Variants in CES5A observed in about 807,000 individuals in gnomAD.
The protein encoded by CES5A is carboxylesterase 5A.
A neutral mutation model predicts 62.9 loss-of-function variants in CES5A; 67 were observed. The ratio of observed to expected loss-of-function variants is 1.07; its 90% CI spans 0.88 to 1.31. The LOEUF (loss-of-function observed/expected upper bound fraction) is 1.31. Ranked by LOEUF, CES5A falls within the 50% of genes most tolerant of loss-of-function variation. CES5A has a pLI of 0.00. For missense variants in CES5A, 748 were observed against 708.5 expected (o/e 1.06, Z -0.63); for synonymous variants, 296 against 280.8 (o/e 1.05, Z -0.54).
Position 55,866,015 on chromosome 16 carries a change from C to T in CES5A, c.653G>A (p.Ser218Asn). 6.2e-7 allele frequency: 1 copy of T among 1,614,218 alleles called. No homozygotes were observed. Among genetic ancestry groups the T allele is most frequent in the Admixed American group, 1.7e-5 (1 of 60,026 alleles). Residue 218 changes from serine (S) to asparagine (N), a missense_variant, in exon 5 of 13, where the codon AGC becomes AAC. Physicochemically the swap from Ser to Asn is conservative, Grantham distance 46. Coordinates refer to ENST00000290567, the MANE Select transcript of CES5A (RefSeq NM_001143685.2). ...GGACTCGCCAAAGATGGTCACAGAGCTGGGGTCCCCACCGAAGAACTCGAT... is the reference window on the plus strand; with the variant it reads ...GGACTCGCCAAAGATGGTCACAGAGTTGGGGTCCCCACCGAAGAACTCGAT... ...KNIEFFGGDP[S>N]SVTIFGESAG...
chr16:55,895,672 A>C (rs1171514006), intron 1 of CES5A, among the ~76,000 whole-genome samples: 1 of 152,210 alleles, frequency 6.6e-6, no homozygotes, highest in Non-Finnish European at 1.5e-5. Flanking sequence ...GGATTTAAAA[A>C]TTTGCGCTAG....
intron 9 of CES5A, 103 bp downstream of exon 9, chr16:55,856,274 G>A: frequency 2.1e-6 from 2 of 950,956 alleles, no homozygotes; most frequent in Non-Finnish European, 3.4e-6. Flanking sequence ...GACTGAGTGA[G>A]TGAGGAGTGT....
chr16:55,886,536 A>G (rs1250736727), intron 1 of CES5A, among the ~76,000 whole-genome samples: 1 of 152,216 alleles, frequency 6.6e-6, no homozygotes, highest in East Asian at 1.9e-4. Context: ...CAGAATAGCT[A>G]TGGTGGCTAA....
At chr16:55,872,078 C>A (rs146312501) in intron 2 of CES5A, among the ~76,000 whole-genome samples, 1 of 152,134 alleles carries the variant, frequency 6.6e-6, no homozygotes. Flanking sequence ...ACACACATAA[C>A]GACCCAAGCT....
At position 55,875,325 on chromosome 16, in the gene CES5A, A is replaced by C. The variant is rs1360213841; in HGVS notation, c.-104T>G. On this transcript the variant is annotated 5_prime_UTR_variant, in exon 1 of 13. Transcript: ENST00000290567. Reference sequence around the variant, plus strand: ...CTTCCTGTTAACAGGCAAATGCTGAATAGGCAGGCAGAGGCAGCAGAGTTA... The same window carrying C: ...CTTCCTGTTAACAGGCAAATGCTGACTAGGCAGGCAGAGGCAGCAGAGTTA... 13 of 1,533,712 alleles carry C rather than the reference A, an allele frequency of 8.5e-6. No individual in the cohort carries two copies. The highest frequency in any genetic ancestry group is 1.1e-5 in the Non-Finnish European group (13 of 1,144,696).
intron 2 of CES5A, among the ~76,000 whole-genome samples, chr16:55,940,076 G>GA (rs1445257149): frequency 6.6e-6 from 1 of 151,374 alleles, no homozygotes; most frequent in Non-Finnish European, 1.5e-5. Context: ...AAACAAAACT[G>GA]AAAAAAAGAA....
chr16:55,910,163 C>G (rs568821390), intron 1 of CES5A, among the ~76,000 whole-genome samples: 2 of 152,276 alleles, frequency 1.3e-5, no homozygotes, highest in South Asian at 4.1e-4. Context: ...GTGGCCACAC[C>G]CCCTCCTCCA....
At chr16:55,896,283 C>G (rs2033933175) in intron 1 of CES5A, among the ~76,000 whole-genome samples, 1 of 152,188 alleles carries the variant, frequency 6.6e-6, no homozygotes, top group Non-Finnish European at 1.5e-5. Flanking sequence ...TCAGTTACTT[C>G]CCACTGGGTC....
chr16:55,915,951 A>T (rs147112574), intron 1 of CES5A, among the ~76,000 whole-genome samples: 1 of 152,346 alleles, frequency 6.6e-6, no homozygotes, highest in African/African-American at 2.4e-5. Flanking sequence ...CACCACACAG[A>T]CAAAACCAGA....
chr16:55,955,326 TC>T (rs1368698476), intron 1 of CES5A, among the ~76,000 whole-genome samples: 3 of 152,106 alleles, frequency 2.0e-5, no homozygotes, highest in Admixed American at 6.5e-5. Flanking sequence ...CTGAAACTAA[TC>T]CCCCCCATCT....
intron 1 of CES5A, among the ~76,000 whole-genome samples, chr16:55,912,434 A>C (rs1305935563): frequency 2.0e-5 from 3 of 152,116 alleles, no homozygotes; most frequent in Non-Finnish European, 4.4e-5. Context: ...CGAGGAAAAA[A>C]ACAAAGGCCA....
chr16:55,950,707 GA>G (rs200320769), intron 1 of CES5A, among the ~76,000 whole-genome samples: 13 of 142,920 alleles, frequency 9.1e-5, no homozygotes, highest in African/African-American at 1.3e-4. Context: ...TTGAGGCAAA[GA>G]AAAAAAAACC....
In CES5A at chr16:55,875,311, C is replaced by A; in HGVS notation, c.-90G>T. 6.4e-7 allele frequency: 1 copy of A among 1,559,560 alleles called. No individual in the cohort carries two copies. The highest frequency in any genetic ancestry group is 1.2e-5 in the South Asian group (1 of 82,662). Reference sequence around the variant, plus strand: ...GGAGCCAGAAAGAGCTTCCTGTTAACAGGCAAATGCTGAATAGGCAGGCAG... The same window carrying A: ...GGAGCCAGAAAGAGCTTCCTGTTAAAAGGCAAATGCTGAATAGGCAGGCAG... On this transcript the variant is annotated 5_prime_UTR_variant, in exon 1 of 13. Coordinates refer to ENST00000290567, the MANE Select transcript of CES5A (RefSeq NM_001143685.2).
chr16:55,883,307 G>A (rs548517719), intron 1 of CES5A, among the ~76,000 whole-genome samples: 2 of 151,976 alleles, frequency 1.3e-5, no homozygotes, highest in African/African-American at 2.4e-5. Flanking sequence ...ATGGAGTCTC[G>A]CTCTGTCACC....
chr16:55,858,781 A>G lies in CES5A; in HGVS notation c.1056+766T>C, dbSNP rs569598331. On this transcript the variant is annotated intron_variant, in intron 8 of 12. Coordinates refer to ENST00000290567, the MANE Select transcript of CES5A (RefSeq NM_001143685.2). Reference sequence around the variant, plus strand: ...GAAGTCTCCACTCCTCTGAGGACAGATGAAAAGTTTATTTCCAATGAAGAG... The same window carrying G: ...GAAGTCTCCACTCCTCTGAGGACAGGTGAAAAGTTTATTTCCAATGAAGAG... Among the ~76,000 whole-genome samples, 277 of 152,366 alleles carry G rather than the reference A, an allele frequency of 1.8e-3. 1 individual carries two copies. The highest frequency in any genetic ancestry group is 6.5e-3 in the African/African-American group (272 of 41,586).
At chr16:55,917,664 C>G (rs74019331) in intron 1 of CES5A, among the ~76,000 whole-genome samples, 2 of 152,170 alleles carry the variant, frequency 1.3e-5, no homozygotes, top group South Asian at 2.1e-4. Flanking sequence ...GTACCCAAAA[C>G]AGAAGCCATG....
intron 11 of CES5A, among the ~76,000 whole-genome samples, chr16:55,848,577 G>A (rs760998463): frequency 2.2e-4 from 34 of 152,074 alleles, no homozygotes; most frequent in Non-Finnish European, 3.8e-4. Flanking sequence ...CTTGTTATGA[G>A]GGAGGTTGAG....
At chr16:55,947,913 G>A (rs2034513865) in intron 2 of CES5A, among the ~76,000 whole-genome samples, 1 of 152,028 alleles carries the variant, frequency 6.6e-6, no homozygotes, top group African/African-American at 2.4e-5. Flanking sequence ...ATTAAAATGG[G>A]ATGGAAAATA....
chr16:55,901,091 G>A (rs752273747), intron 1 of CES5A, among the ~76,000 whole-genome samples: 2 of 152,122 alleles, frequency 1.3e-5, no homozygotes, highest in Non-Finnish European at 2.9e-5. Context: ...CATGGGAGGG[G>A]CCTGGGGGAA....
Sources: gnomAD v4.1 joint callset for allele counts (sites outside exome capture counted in the v4.1 genomes callset) on GRCh38, gnomAD v4.1.1 for gene constraint, MANE v1.5 for transcripts, NCBI Gene and HGNC (gene_info 2026-07-23, HGNC 2026-07-21) for gene names.